SPACA6: variants seen among roughly 807,000 people sequenced by gnomAD.
SPACA6 encodes sperm acrosome associated 6.
For synonymous variants in SPACA6, 6 were observed against 1.5 expected, an observed-to-expected ratio of 4.05 and a Z score of -2.21; for missense variants, 8 against 2.8, an observed-to-expected ratio of 2.88 and a Z score of -1.34.
upstream of SPACA6, chr19:51,692,921 T>G: frequency 1.9e-6 from 1 of 524,508 alleles, no homozygotes; most frequent in Non-Finnish European, 3.9e-6. The surrounding 1 kb of genome is among the most constrained non-coding windows in gnomAD (Gnocchi z 5.6). Flanking sequence ...TCAGGGACCC[T>G]TAGCCCCACT....
In SPACA6 at chr19:51,704,460, G is replaced by A. The variant is rs906407092; in HGVS notation, c.921G>A (p.Ala307=). The A allele has an allele frequency of 2.5e-6, 1 of 401,048 alleles. No homozygotes were observed. The highest frequency in any genetic ancestry group is 2.1e-5 in the African/African-American group (1 of 48,678). The allele number at this position is 401,048 out of a possible 1,614,324, so 24.8% of individuals were successfully genotyped here. A position where few individuals can be genotyped will look rare whatever the true frequency, so the allele number is the denominator to read the frequency against. Residue 307 remains alanine (A), a synonymous_variant, in exon 8 of 9, where the codon GCG becomes GCA. Transcript: ENST00000637797. ...LLAVLGALAS[A]SATVLAWMFF... Reference sequence around the variant, plus strand: ...CAGTCCTCGGGGCCCTCGCATCAGCGAGTGCGACAGTGTTGGCGTGGTGAG... The same window carrying A: ...CAGTCCTCGGGGCCCTCGCATCAGCAAGTGCGACAGTGTTGGCGTGGTGAG...
chr19:51,688,949 GGA>G (rs945716319), upstream of SPACA6, among the ~76,000 whole-genome samples: 82 of 151,308 alleles, frequency 5.4e-4, no homozygotes, highest in African/African-American at 8.7e-4. Flanking sequence ...AGGGAGAGAG[GGA>G]GAGAGAGAGC....
chr19:51,693,979 G>A, intron 1 of SPACA6: 1 of 351,088 alleles, frequency 2.8e-6, no homozygotes, highest in Non-Finnish European at 5.0e-6. Flanking sequence ...GAGACTCAGA[G>A]AGGGGGAGGA....
the SPACA6 span, among the ~76,000 whole-genome samples, chr19:51,682,813 C>T: frequency 1.7e-4 from 26 of 152,226 alleles, no homozygotes; most frequent in East Asian, 5.8e-4. Flanking sequence ...AGACTGAGGG[C>T]GGGCAGATCA....
downstream of SPACA6, among the ~76,000 whole-genome samples, chr19:51,709,882 A>G (rs2083534244): frequency 6.6e-6 from 1 of 152,160 alleles, no homozygotes; most frequent in African/African-American, 2.4e-5. Context: ...AGAATGTTGG[A>G]TGAGAGAAGG....
At chr19:51,688,717 GA>G (rs1278622988), upstream of SPACA6, among the ~76,000 whole-genome samples, 1 of 152,040 alleles carries the variant, frequency 6.6e-6, no homozygotes, top group African/African-American at 2.4e-5. Context: ...GAGAAACAGA[GA>G]AAAGGGAAGA....
chr19:51,697,984 TAC>T (rs2083442697), intron 2 of SPACA6, among the ~76,000 whole-genome samples: 1 of 152,180 alleles, frequency 6.6e-6, no homozygotes. Context: ...GGAGCCATTC[TAC>T]ACACTTAGTG....
At position 51,704,353 on chromosome 19, in the gene SPACA6, C is replaced by G. The variant is rs1449846940; in HGVS notation, c.814C>G (p.Leu272Val). ...GCGCTGGGCGCCGCGGGATGCCGAG[C>G]TGATCGAGCCCTGGAGGCCCAGCCT... is the stretch of plus-strand genomic sequence containing the variant. ...VLRWAPRDAELIEPWRPSLGE... is the reference protein window; with the variant it reads ...VLRWAPRDAEVIEPWRPSLGE... The change falls in exon 8 of 9, where the codon CTG (leucine) becomes GTG (valine). Residue 272 changes from leucine (L) to valine (V), a missense_variant. Transcript: ENST00000637797. 1.0e-5 allele frequency: 4 copies of G among 400,862 alleles called. No homozygotes were observed. The highest frequency in any genetic ancestry group is 6.2e-5 in the African/African-American group (3 of 48,674). The allele number at this position is 400,862 out of a possible 1,614,324, so 24.8% of individuals were successfully genotyped here.
At chr19:51,706,737 G>A (rs991632021), downstream of SPACA6, among the ~76,000 whole-genome samples, 4 of 151,666 alleles carry the variant, frequency 2.6e-5, no homozygotes, top group African/African-American at 4.9e-5. Flanking sequence ...TCGGCTCACT[G>A]CAACCTCCAC....
chr19:51,701,230 A>G (rs2083466260), intron 2 of SPACA6, among the ~76,000 whole-genome samples: 1 of 132,746 alleles, frequency 7.5e-6, no homozygotes, highest in Non-Finnish European at 1.6e-5. Flanking sequence ...AATAAAATAA[A>G]ATAAAGGAAA....
At position 51,694,340 on chromosome 19, in the gene SPACA6, C is replaced by T. The variant is rs111980877; in HGVS notation, c.215-138C>T. On this transcript the variant is annotated intron_variant, in intron 1 of 8. Coordinates refer to ENST00000637797, the MANE Select transcript of SPACA6 (RefSeq NM_001316972.2). The stretch of plus-strand genomic sequence containing the variant: ...CTTGGGAGGGACTCAGGAAGCATAG[C>T]GACTGTGGGGCAAAGAGTCAGAGAG... 2,672 of 301,164 alleles carry T rather than the reference C, an allele frequency of 8.9e-3. 57 individuals carry two copies. Among genetic ancestry groups the T allele is most frequent in the African/African-American group, 0.06 (2,221 of 36,734 alleles). 18.7% of individuals were successfully genotyped at this position (301,164 alleles called of 1,614,324 possible). A position where few individuals can be genotyped will look rare whatever the true frequency, so the allele number is the denominator to read the frequency against.
intron 2 of SPACA6, among the ~76,000 whole-genome samples, chr19:51,700,588 G>A (rs1410744988): frequency 2.0e-5 from 3 of 152,172 alleles, no homozygotes; most frequent in Non-Finnish European, 4.4e-5. Context: ...ACCAGCTGGG[G>A]TCTCCAGTTC....
At chr19:51,696,311 C>A (rs1285449642) in intron 2 of SPACA6, among the ~76,000 whole-genome samples, 1 of 152,138 alleles carries the variant, frequency 6.6e-6, no homozygotes, top group Non-Finnish European at 1.5e-5. Flanking sequence ...ACCACCTGTC[C>A]TCGGGTTGCT....
rs2083497095 is a variant in SPACA6, at chr19:51,704,334, G to A, written c.795G>A (p.Trp265Ter). The A allele has an allele frequency of 2.5e-6, 1 of 400,772 alleles. No homozygotes were observed. Among genetic ancestry groups the A allele is most frequent in the South Asian group, 1.3e-4 (1 of 7,958 alleles). The allele number at this position is 400,772 out of a possible 1,614,324, so 24.8% of individuals were successfully genotyped here. A position where few individuals can be genotyped will look rare whatever the true frequency, so the allele number is the denominator to read the frequency against. The change falls in exon 8 of 9, where the codon TGG becomes TGA. Residue 265 changes from tryptophan to a stop codon, truncating the protein, a stop_gained. Coordinates refer to ENST00000637797, the MANE Select transcript of SPACA6 (RefSeq NM_001316972.2). LOFTEE classifies it high-confidence loss of function. Reference sequence around the variant, plus strand: ...CCTCGTTCCGGGAAGTGCTGCGCTGGGCGCCGCGGGATGCCGAGCTGATCG... The same window carrying A: ...CCTCGTTCCGGGAAGTGCTGCGCTGAGCGCCGCGGGATGCCGAGCTGATCG... ...LQASFREVLR[W>*]APRDAELIEP...
intron 2 of SPACA6, among the ~76,000 whole-genome samples, chr19:51,700,035 C>A (rs10416334): frequency 0.046 from 6,995 of 152,206 alleles, 554 homozygotes; most frequent in African/African-American, 0.16. Context: ...AGGCGGATCA[C>A]CTGAGGTTAG....
chr19:51,690,061 A>G (rs369085189), upstream of SPACA6, among the ~76,000 whole-genome samples: 1 of 140,614 alleles, frequency 7.1e-6, no homozygotes, highest in Non-Finnish European at 1.5e-5. Context: ...GCTGCCAGAC[A>G]GGCCAGGGTC....
At chr19:51,705,069 C>A in intron 8 of SPACA6, 21 bp from the exon 9 acceptor site, 2 of 401,246 alleles carry the variant, frequency 5.0e-6, no homozygotes, top group Non-Finnish European at 8.8e-6. Flanking sequence ...CTGTAACACA[C>A]ATACCTCTTT....
chr19:51,702,607 G>T (rs1221953817), intron 3 of SPACA6, 22 bp from the exon 4 acceptor site: 3 of 398,986 alleles, frequency 7.5e-6, no homozygotes, highest in Non-Finnish European at 1.3e-5. Flanking sequence ...GTAAGGTAGT[G>T]ATGTTTCCTC....
At chr19:51,684,133 T>C (rs1047174697), upstream of SPACA6, among the ~76,000 whole-genome samples, 2 of 152,140 alleles carry the variant, frequency 1.3e-5, no homozygotes, top group African/African-American at 4.8e-5. Flanking sequence ...TAGGTTTTTT[T>C]GGGGGGAGAA....
Sources: allele counts gnomAD v4.1 joint callset (sites outside exome capture counted in the v4.1 genomes callset), GRCh38; gene constraint gnomAD v4.1.1; non-coding constraint Gnocchi (gnomAD v3.1); transcripts MANE v1.5; gene names NCBI Gene and HGNC (gene_info 2026-07-23, HGNC 2026-07-21).